Variants in CTNNA2 observed in about 807,000 individuals in gnomAD.
The protein encoded by CTNNA2 is catenin alpha 2.
CTNNA2 carries 42 observed loss-of-function variants against 101.0 expected under a neutral mutation model. The observed-to-expected ratio is 0.42, with a 90% confidence interval of 0.32 to 0.54. The LOEUF (loss-of-function observed/expected upper bound fraction) is 0.54, where lower values mean the gene tolerates loss of function less well. Among genes scored for constraint, CTNNA2 ranks in the 20% least tolerant of loss-of-function variants. The pLI, the probability that CTNNA2 is intolerant of heterozygous loss-of-function variation, is 0.14. For synonymous variants in CTNNA2, 450 were observed against 456.4 expected (o/e 0.99, Z 0.18); for missense variants, 871 against 1,223.1 (o/e 0.71, Z 4.29).
intron 9 of CTNNA2, among the ~76,000 whole-genome samples, chr2:80,426,489 T>C (rs1681004753): frequency 6.6e-6 from 1 of 152,186 alleles, no homozygotes; most frequent in South Asian, 2.1e-4. Flanking sequence ...ACACATTCTA[T>C]TGTGCAGGCA....
rs930740851 is a variant in CTNNA2 at position 80,173,126 on chromosome 2, A to T, written c.1057-220085A>T. ...GCCATGCCTTAACATTCTTCAAAAA[A>T]TAATGTGCCACCAACACACTTACTA... On this transcript the variant is annotated intron_variant, in intron 7 of 18. Coordinates refer to ENST00000402739, the MANE Select transcript of CTNNA2 (RefSeq NM_001282597.3). Among the ~76,000 whole-genome samples, 10 of 152,354 alleles carry T rather than the reference A, an allele frequency of 6.6e-5. No individual in the cohort carries two copies. In the East Asian group the frequency reaches 1.9e-3, roughly 29 times the overall value.
intron 7 of CTNNA2, among the ~76,000 whole-genome samples, chr2:80,103,175 G>T (rs1178697724): frequency 6.6e-6 from 1 of 152,112 alleles, no homozygotes; most frequent in Non-Finnish European, 1.5e-5. Flanking sequence ...CAGACTTGGG[G>T]GCTTAAAGAA....
intron 9 of CTNNA2, among the ~76,000 whole-genome samples, chr2:80,529,691 G>A (rs918855118): frequency 1.3e-5 from 2 of 152,144 alleles, no homozygotes; most frequent in African/African-American, 4.8e-5. Context: ...AGCCTCTAGA[G>A]CACAAAACTA....
chr2:79,953,994 A>T (rs575745421), intron 7 of CTNNA2, among the ~76,000 whole-genome samples: 1 of 152,276 alleles, frequency 6.6e-6, no homozygotes, highest in Admixed American at 6.5e-5. Flanking sequence ...CTACCTGAAA[A>T]GGGCTAATTT....
At chr2:79,568,147 C>G (rs1573365597) in intron 1 of CTNNA2, among the ~76,000 whole-genome samples, 1 of 152,206 alleles carries the variant, frequency 6.6e-6, no homozygotes, top group African/African-American at 2.4e-5. Flanking sequence ...TATCTATTCC[C>G]CAAGCAGTAT....
chr2:80,536,488 T>C (rs576960761), intron 9 of CTNNA2, among the ~76,000 whole-genome samples: 2 of 152,324 alleles, frequency 1.3e-5, no homozygotes, highest in African/African-American at 4.8e-5. Flanking sequence ...ACCAATATGA[T>C]ACCTGAAGCT....
chr2:79,728,170 T>C (rs1448519056), intron 2 of CTNNA2, among the ~76,000 whole-genome samples: 1 of 152,142 alleles, frequency 6.6e-6, no homozygotes, highest in Non-Finnish European at 1.5e-5. Flanking sequence ...TCCACAATGG[T>C]TGAACTAGTT....
intron 4 of CTNNA2, among the ~76,000 whole-genome samples, chr2:79,495,034 C>A (rs1671241394): frequency 1.3e-5 from 2 of 152,104 alleles, no homozygotes; most frequent in Non-Finnish European, 2.9e-5. Context: ...ACCAGGGAGG[C>A]GGAGCTTGCA....
intron 7 of CTNNA2, among the ~76,000 whole-genome samples, chr2:80,306,242 C>T (rs572194403): frequency 2.6e-5 from 4 of 152,244 alleles, no homozygotes; most frequent in South Asian, 4.2e-4. Context: ...CACATGCTGT[C>T]TTAGGAGTTA....
At chr2:79,221,158 T>C (rs995733091) in intron 2 of CTNNA2, among the ~76,000 whole-genome samples, 7 of 151,958 alleles carry the variant, frequency 4.6e-5, no homozygotes, top group Non-Finnish European at 8.8e-5. Flanking sequence ...TTGTTTTTGT[T>C]GTTGTTTTGA....
Position 79,432,323 on chromosome 2 carries a change from T to C in CTNNA2, c.-135+58310T>C, listed in dbSNP as rs572029221. On this transcript the variant is annotated intron_variant, in intron 4 of 21. Coordinates refer to the CTNNA2 transcript ENST00000466387. ...AACTCCAAGCAGTCAACTTCCTCAT[T>C]CAAGGCTAGATACCCAGAACCAGGA... 5.2e-4 allele frequency among the ~76,000 whole-genome samples: 79 copies of C among 152,266 alleles called. 2 individuals carry two copies. In the South Asian group the frequency reaches 0.016, roughly 31 times the overall value.
chr2:80,646,330 G>A (rs776399978), intron 18 of CTNNA2, among the ~76,000 whole-genome samples: 13 of 152,102 alleles, frequency 8.5e-5, no homozygotes, highest in Non-Finnish European at 1.9e-4. Flanking sequence ...TCAGTTAACT[G>A]TAATTGATAT....
chr2:79,481,700 A>G (rs368090739), intron 4 of CTNNA2, among the ~76,000 whole-genome samples: 4 of 152,184 alleles, frequency 2.6e-5, no homozygotes, highest in Non-Finnish European at 5.9e-5. Flanking sequence ...CATAAATCCA[A>G]ACTCATCAAG....
chr2:79,820,358 G>A (rs1333156721), intron 3 of CTNNA2, among the ~76,000 whole-genome samples: 3 of 152,022 alleles, frequency 2.0e-5, no homozygotes, highest in Non-Finnish European at 4.4e-5. Flanking sequence ...CAATTCTCTA[G>A]TAGCACTCAA....
intron 1 of CTNNA2, among the ~76,000 whole-genome samples, chr2:79,582,544 T>C (rs1267848328): frequency 6.6e-6 from 1 of 152,200 alleles, no homozygotes; most frequent in Non-Finnish European, 1.5e-5. Flanking sequence ...AAAACCTTGA[T>C]GCCATTTTCC....
chr2:79,400,892 T>G (rs1455449398), intron 4 of CTNNA2, among the ~76,000 whole-genome samples: 5 of 151,902 alleles, frequency 3.3e-5, no homozygotes, highest in Non-Finnish European at 7.4e-5. Flanking sequence ...GAAAGCAGCA[T>G]GAGAAAAGCA....
At position 79,872,232 on chromosome 2, in the gene CTNNA2, T is replaced by C. The variant is rs368276689; in HGVS notation, c.586-1844T>C. On this transcript the variant is annotated intron_variant, in intron 5 of 18. Transcript: ENST00000402739. Reference sequence around the variant, plus strand: ...ACATACTCCAATATGAATGTTTCAGTAGTTTTTTTTCAACCAATTCTTGGT... The same window carrying C: ...ACATACTCCAATATGAATGTTTCAGCAGTTTTTTTTCAACCAATTCTTGGT... Among the ~76,000 whole-genome samples the C allele has an allele frequency of 2.6e-5, 4 of 152,190 alleles. No individual in the cohort carries two copies. The South Asian group carries it at 6.2e-4, about 24-fold the overall frequency.
chr2:80,459,643 G>C (rs1330936401), intron 9 of CTNNA2, among the ~76,000 whole-genome samples: 2 of 152,000 alleles, frequency 1.3e-5, no homozygotes, highest in African/African-American at 2.4e-5. Flanking sequence ...TCCTAACCTG[G>C]AACATACCAA....
intron 1 of CTNNA2, among the ~76,000 whole-genome samples, chr2:79,607,302 T>G (rs1677957956): frequency 6.6e-6 from 1 of 152,178 alleles, no homozygotes; most frequent in Non-Finnish European, 1.5e-5. Flanking sequence ...CAGAAAAATT[T>G]ACATTATAAT....
Sources: allele counts gnomAD v4.1 joint callset (sites outside exome capture counted in the v4.1 genomes callset), GRCh38; gene constraint gnomAD v4.1.1; transcripts MANE v1.5; gene names NCBI Gene and HGNC (gene_info 2026-07-23, HGNC 2026-07-21).